Variants in MFSD8 observed in about 807,000 individuals in gnomAD.
The protein encoded by MFSD8 is major facilitator superfamily domain-containing protein 8.
A neutral mutation model predicts 66.4 loss-of-function variants in MFSD8; 55 were observed. That is an observed-to-expected ratio of 0.83 (90% CI 0.67 to 1.04). The LOEUF is 1.04. Ranked by LOEUF, MFSD8 falls within the 50% of genes least tolerant of loss-of-function variation. The pLI is 0.00. For missense variants in MFSD8, 550 were observed against 627.6 expected (o/e 0.88, Z 1.32); for synonymous variants, 202 against 212.8 (o/e 0.95, Z 0.44).
intron 8 of MFSD8, 47 bp from the exon 9 acceptor site, chr4:127,930,864 GTTATAC>G (rs757862489): frequency 1.1e-4 from 177 of 1,543,466 alleles, no homozygotes; most frequent in East Asian, 3.5e-4. Flanking sequence ...CACAGTAACT[GTTATAC>G]TTAAAGTGAA....
Position 127,921,645 on chromosome 4 carries a change from T to C in MFSD8, c.1229A>G (p.Tyr410Cys). The C allele has an allele frequency of 6.2e-7, 1 of 1,614,182 alleles. No individual in the cohort carries two copies. Among genetic ancestry groups the C allele is most frequent in the Non-Finnish European group, 8.5e-7 (1 of 1,180,026 alleles). ...GCSIEQAWCL[Y>C]TPVIHLAQFL... ...CTGGGCCAGATGAATCACCGGGGTG[T>C]AGAGGCACCAGGCTTGTTCAATCGA... The change falls in exon 11 of 12, where the codon TAC becomes TGC. Residue 410 changes from tyrosine (Y) to cysteine (C), a missense_variant. Tyr to Cys is a radical substitution (Grantham distance 194, BLOSUM62 -2). Coordinates refer to ENST00000641686, the MANE Select transcript of MFSD8 (RefSeq NM_001371596.2).
intron 5 of MFSD8, 33 bp from the exon 6 acceptor site, chr4:127,940,030 T>C: frequency 6.4e-7 from 1 of 1,572,812 alleles, no homozygotes; most frequent in Non-Finnish European, 8.7e-7. Flanking sequence ...AGATGAATTA[T>C]TATATGAGAA....
intron 1 of MFSD8, among the ~76,000 whole-genome samples, chr4:127,959,904 G>A (rs1743469769): frequency 6.6e-6 from 1 of 152,164 alleles, no homozygotes; most frequent in African/African-American, 2.4e-5. Context: ...TCTTAGCTTT[G>A]ATGATTCAGA....
intron 2 of MFSD8, among the ~76,000 whole-genome samples, chr4:127,951,194 A>C (rs1741895192): frequency 6.6e-6 from 1 of 152,236 alleles, no homozygotes; most frequent in African/African-American, 2.4e-5. Context: ...TTTTAATATA[A>C]TCACAGATAT....
chr4:127,952,869 C>CAA (rs758640018), intron 2 of MFSD8, among the ~76,000 whole-genome samples: 748 of 65,112 alleles, frequency 0.011, 11 homozygotes, highest in African/African-American at 0.036. Context: ...GACTCCACCT[C>CAA]AAAAAAAAAA....
intron 2 of MFSD8, among the ~76,000 whole-genome samples, chr4:127,954,946 T>C (rs953521995): frequency 1.1e-4 from 17 of 152,124 alleles, no homozygotes; most frequent in African/African-American, 4.1e-4. Context: ...TCTCATCCAC[T>C]AGGATGACTA....
intron 1 of MFSD8, 163 bp downstream of exon 1, chr4:127,964,909 G>C (rs1475822448): frequency 3.6e-6 from 3 of 822,454 alleles, no homozygotes; most frequent in African/African-American, 1.7e-5. Context: ...TTTCTCCTAC[G>C]TTGGGAGCGA....
intron 11 of MFSD8, 166 bp downstream of exon 11, chr4:127,921,358 C>T (rs544191341): frequency 8.6e-7 from 1 of 1,160,422 alleles, no homozygotes; most frequent in African/African-American, 1.5e-5. Context: ...ATAACCTACC[C>T]AAGAATGAAC....
Position 127,930,793 on chromosome 4 carries a change from A to T in MFSD8, c.888T>A (p.Asp296Glu). The T allele has an allele frequency of 6.2e-7, 1 of 1,611,826 alleles. No homozygotes were observed. Among genetic ancestry groups the T allele is most frequent in the Non-Finnish European group, 8.5e-7 (1 of 1,179,176 alleles). The part of the protein sequence containing the change: ...FETIITPLTM[D>E]MYAWTQEQAV... ...CTTGTTCTTGAGTCCAGGCATACATATCCATTGTTAATGGAGTAATGATGC... is the reference window on the plus strand; with the variant it reads ...CTTGTTCTTGAGTCCAGGCATACATTTCCATTGTTAATGGAGTAATGATGC... The change falls in exon 9 of 12, where the codon GAT becomes GAA. Residue 296 changes from aspartate (D) to glutamate (E), a missense_variant. Transcript: ENST00000641686.
At position 127,943,973 on chromosome 4, in the gene MFSD8, G is replaced by C; in HGVS notation, c.218C>G (p.Thr73Arg). 1 of 1,614,170 alleles carries C rather than the reference G, an allele frequency of 6.2e-7. No homozygotes were observed. The highest frequency in any genetic ancestry group is 8.5e-7 in the Non-Finnish European group (1 of 1,180,018). The change falls in exon 4 of 12, where the codon ACA (threonine) becomes AGA (arginine). Residue 73 changes from threonine to arginine, a missense_variant. Coordinates refer to ENST00000641686, the MANE Select transcript of MFSD8 (RefSeq NM_001371596.2). ...YLQKIDPTADTSFLGWVIASY... is the reference protein window; with the variant it reads ...YLQKIDPTADRSFLGWVIASY... The stretch of plus-strand genomic sequence containing the variant: ...AGCAATAACCCAGCCCAAAAAACTT[G>C]TATCAGCTGTCGGATCAATCTGCAG...
At chr4:127,936,512 G>A (rs1171954146) in intron 7 of MFSD8, among the ~76,000 whole-genome samples, 1 of 151,998 alleles carries the variant, frequency 6.6e-6, no homozygotes, top group Non-Finnish European at 1.5e-5. Flanking sequence ...GATCACTTGA[G>A]TCCAGGAGTT....
intron 1 of MFSD8, among the ~76,000 whole-genome samples, chr4:127,961,700 C>T (rs1017994912): frequency 6.6e-6 from 1 of 151,600 alleles, no homozygotes; most frequent in East Asian, 1.9e-4. Flanking sequence ...CCTGTAGTCC[C>T]AGCTACTCTA....
At chr4:127,940,118 C>T (rs113371747) in intron 5 of MFSD8, 121 bp from the exon 6 acceptor site, 5 of 950,306 alleles carry the variant, frequency 5.3e-6, no homozygotes, top group African/African-American at 3.3e-5. Context: ...CTATATCATG[C>T]ATTCTCAACA....
chr4:127,943,982 G>C lies in MFSD8; in HGVS notation c.209C>G (p.Thr70Arg), dbSNP rs570440254. ...IWPYLQKIDP[T>R]ADTSFLGWVI... ...CCAGCCCAAAAAACTTGTATCAGCT[G>C]TCGGATCAATCTGCAGAAAAAGGTA... The change falls in exon 4 of 12, where the codon ACA (threonine) becomes AGA (arginine). Residue 70 changes from threonine (T) to arginine (R), a missense_variant. Coordinates refer to ENST00000641686, the MANE Select transcript of MFSD8 (RefSeq NM_001371596.2). 6.2e-7 allele frequency: 1 copy of C among 1,614,200 alleles called. No homozygotes were observed. The highest frequency in any genetic ancestry group is 1.7e-5 in the Admixed American group (1 of 60,024).
intron 7 of MFSD8, among the ~76,000 whole-genome samples, chr4:127,938,561 C>T (rs560630997): frequency 8.4e-5 from 12 of 143,158 alleles, no homozygotes; most frequent in African/African-American, 2.4e-4. Flanking sequence ...CCAGCCTGGG[C>T]GACAGAGCGA....
At chr4:127,921,353 C>G in intron 11 of MFSD8, 171 bp downstream of exon 11, 1 of 1,116,198 alleles carries the variant, frequency 9.0e-7, no homozygotes, top group Non-Finnish European at 1.3e-6. Context: ...CCCACATAAC[C>G]TACCCAAGAA....
At chr4:127,924,476 A>G (rs555057514) in intron 9 of MFSD8, among the ~76,000 whole-genome samples, 1 of 152,336 alleles carries the variant, frequency 6.6e-6, no homozygotes, top group Non-Finnish European at 1.5e-5. Context: ...ATCAAGAGTG[A>G]ACTGCCATTC....
At chr4:127,941,160 C>T (rs1049027569) in intron 5 of MFSD8, among the ~76,000 whole-genome samples, 1 of 152,120 alleles carries the variant, frequency 6.6e-6, no homozygotes, top group Non-Finnish European at 1.5e-5. Flanking sequence ...AATTATTCTA[C>T]ATTTGTGCTT....
Position 127,919,193 on chromosome 4 carries a change from C to T in MFSD8, c.*1437G>A, listed in dbSNP as rs770554417. On this transcript the variant is annotated 3_prime_UTR_variant, in exon 12 of 12. Transcript: ENST00000641686. ...AGTTTAGCATAAAGTGCAGATTATA[C>T]AGTTTTAAATTTTTGTTTTTATTTT... 2 of 152,084 alleles carry T rather than the reference C, an allele frequency of 1.3e-5. No homozygotes were observed. The highest frequency in any genetic ancestry group is 2.4e-5 in the African/African-American group (1 of 41,416). The allele number at this position is 152,084 out of a possible 1,614,324, so 9.4% of individuals were successfully genotyped here.
Sources: gnomAD v4.1 joint callset for allele counts (sites outside exome capture counted in the v4.1 genomes callset) on GRCh38, gnomAD v4.1.1 for gene constraint, MANE v1.5 for transcripts, NCBI Gene and HGNC (gene_info 2026-07-23, HGNC 2026-07-21) for gene names.